The following KIR3DL3 variants were observed in gnomAD, a reference collection of about 807,000 sequenced individuals.
KIR3DL3 encodes killer cell immunoglobulin-like receptor 3DL3.
KIR3DL3 carries 27 observed loss-of-function variants against 34.9 expected under a neutral mutation model. That is an observed-to-expected ratio of 0.77 (90% CI 0.57 to 1.07). The LOEUF (loss-of-function observed/expected upper bound fraction) is 1.07, where lower values mean the gene tolerates loss of function less well. Among genes scored for constraint, KIR3DL3 ranks in the 50% least tolerant of loss-of-function variants. The pLI is 0.00. For missense variants in KIR3DL3, 681 were observed against 528.5 expected (o/e 1.29, Z -2.83); for synonymous variants, 217 against 200.2 (o/e 1.08, Z -0.71).
At chr19:54,733,414 C>T (rs2069053834) in intron 5 of KIR3DL3, among the ~76,000 whole-genome samples, 1 of 152,172 alleles carries the variant, frequency 6.6e-6, no homozygotes, top group Non-Finnish European at 1.5e-5. Flanking sequence ...TGCCTGTAAT[C>T]CCAGCGACTG....
intron 5 of KIR3DL3, among the ~76,000 whole-genome samples, chr19:54,732,258 C>CTT (rs139916853): frequency 0.016 from 2,340 of 147,114 alleles, 35 homozygotes; most frequent in Middle Eastern, 0.049. Flanking sequence ...TTTTTGTTTT[C>CTT]TTTTTTTTTT....
chr19:54,725,221 T>C, intron 1 of KIR3DL3, 26 bp from the exon 2 acceptor site: 4 of 1,576,242 alleles, frequency 2.5e-6, no homozygotes, highest in Non-Finnish European at 3.4e-6. Context: ...TACAGATGGA[T>C]CATCCATCAT....
chr19:54,732,245 T>G (rs2068886838), intron 5 of KIR3DL3, among the ~76,000 whole-genome samples: 1 of 111,038 alleles, frequency 9.0e-6, no homozygotes, highest in Non-Finnish European at 1.9e-5. Context: ...TGTGTGTGTG[T>G]GTTTTTTGTT....
At chr19:54,727,089 G>A in intron 3 of KIR3DL3, among the ~76,000 whole-genome samples, 1 of 138,368 alleles carries the variant, frequency 7.2e-6, no homozygotes, top group Non-Finnish European at 1.6e-5. Flanking sequence ...CACATAGGGA[G>A]GGGTTGATGC....
Position 54,727,639 on chromosome 19 carries a change from C to T in KIR3DL3, c.384C>T (p.Ala128=). The T allele has an allele frequency of 1.9e-6, 3 of 1,611,672 alleles. No homozygotes were observed. Among genetic ancestry groups the T allele is most frequent in the Non-Finnish European group, 2.5e-6 (3 of 1,179,356 alleles). ...TCCACAGAAAACCTTCCCTCCTGGC[C>T]CACCCAGGTCCCCTGGTGAAATCAG... is the stretch of plus-strand genomic sequence containing the variant. The part of the protein sequence containing the change: ...TGVHRKPSLL[A]HPGPLVKSGE... The change falls in exon 4 of 8, where the codon GCC becomes GCT. Residue 128 remains alanine, a synonymous_variant. Coordinates refer to ENST00000291860, the MANE Select transcript of KIR3DL3 (RefSeq NM_153443.5).
rs753735306 is a variant in KIR3DL3 at position 54,736,058 on chromosome 19, C to G, written c.1195C>G (p.Gln399Glu). 2.1e-4 allele frequency: 342 copies of G among 1,613,582 alleles called. No homozygotes were observed. The highest frequency in any genetic ancestry group is 1.9e-3 in the African/African-American group (140 of 74,668). Residue 399 changes from glutamine (Q) to glutamate (E), a missense_variant, in exon 8 of 8, where the codon CAG becomes GAG. By Grantham distance (29) the Gln-to-Glu change is conservative. Coordinates refer to ENST00000291860, the MANE Select transcript of KIR3DL3 (RefSeq NM_153443.5). ...FTQRKITRPS[Q>E]RPKTPPTDTS... ...ACAGAGAAAAATCACTCGCCCTTCT[C>G]AGAGGCCCAAGACACCCCCAACAGA...
intron 5 of KIR3DL3, among the ~76,000 whole-genome samples, chr19:54,730,828 C>T (rs1365183055): frequency 1.3e-5 from 2 of 152,154 alleles, no homozygotes; most frequent in Admixed American, 1.3e-4. Context: ...CATCCATTCA[C>T]CCACTGATGG....
intron 3 of KIR3DL3, 29 bp downstream of exon 3, chr19:54,726,366 C>T (rs1475276128): frequency 1.2e-6 from 2 of 1,602,574 alleles, no homozygotes; most frequent in East Asian, 2.2e-5. Context: ...GGGCTTCTCA[C>T]TGTCCCACCT....
At chr19:54,735,896 C>G in intron 7 of KIR3DL3, 24 bp downstream of exon 7, 2 of 1,606,244 alleles carry the variant, frequency 1.2e-6, no homozygotes, top group Non-Finnish European at 1.7e-6. Flanking sequence ...CGCCCAGCCT[C>G]GTGGCTAGTC....
chr19:54,729,274 A>C (rs2068534971), intron 4 of KIR3DL3, among the ~76,000 whole-genome samples: 1 of 152,058 alleles, frequency 6.6e-6, no homozygotes, highest in African/African-American at 2.4e-5. Flanking sequence ...TGGTACAAAA[A>C]AAGAAAACAT....
In KIR3DL3 at chr19:54,726,442, T is replaced by C. The variant is rs1156240805; in HGVS notation, c.355+105T>C. On this transcript the variant is annotated intron_variant, in intron 3 of 7. Transcript: ENST00000291860. Reference sequence around the variant, plus strand: ...CCAATCATCCAGGCCCCGACTGTATTTGGGGTAAAGGGGGATTCAGTACAG... The same window carrying C: ...CCAATCATCCAGGCCCCGACTGTATCTGGGGTAAAGGGGGATTCAGTACAG... 5 of 1,424,588 alleles carry C rather than the reference T, an allele frequency of 3.5e-6. No individual in the cohort carries two copies. In the African/African-American group the frequency reaches 4.4e-5, roughly 12 times the overall value. The allele number at this position is 1,424,588 out of a possible 1,614,324, so 88.2% of individuals were successfully genotyped here.
Position 54,727,706 on chromosome 19 carries a change from G to C in KIR3DL3, c.451G>C (p.Glu151Gln), listed in dbSNP as rs745934558. 1.2e-6 allele frequency: 2 copies of C among 1,613,002 alleles called. No homozygotes were observed. The highest frequency in any genetic ancestry group is 1.7e-6 in the Non-Finnish European group (2 of 1,179,784). Residue 151 changes from glutamate to glutamine, a missense_variant, in exon 4 of 8, where the codon GAG (glutamate) becomes CAG (glutamine). Coordinates refer to ENST00000291860, the MANE Select transcript of KIR3DL3 (RefSeq NM_153443.5). Reference protein sequence around the residue: ...ILQCWSDVRFERFLLHREGIT... With the variant: ...ILQCWSDVRFQRFLLHREGIT... ...GCAATGTTGGTCAGATGTCAGGTTTGAGCGCTTCCTTCTGCACAGAGAGGG... is the reference window on the plus strand; with the variant it reads ...GCAATGTTGGTCAGATGTCAGGTTTCAGCGCTTCCTTCTGCACAGAGAGGG...
At chr19:54,725,868 G>A (rs1251885323) in intron 2 of KIR3DL3, among the ~76,000 whole-genome samples, 185 bp from the exon 3 acceptor site, 1 of 152,116 alleles carries the variant, frequency 6.6e-6, no homozygotes, top group East Asian at 1.9e-4. Flanking sequence ...CCTGCTCAAA[G>A]TTCTCAGCTG....
chr19:54,733,819 A>G lies in KIR3DL3; in HGVS notation c.950-1434A>G, dbSNP rs112166802. On this transcript the variant is annotated intron_variant, in intron 5 of 7. Transcript: ENST00000291860. ...CCCCAATTCATCTCTACTTCCAATC[A>G]CCTATGGAGATACAGATAGATCATG... Among the ~76,000 whole-genome samples, 452 of 152,108 alleles carry G rather than the reference A, an allele frequency of 3.0e-3. 2 individuals carry two copies. Among genetic ancestry groups the G allele is most frequent in the African/African-American group, 0.01 (429 of 41,488 alleles).
chr19:54,729,239 C>A (rs1291479242), intron 4 of KIR3DL3, among the ~76,000 whole-genome samples: 2 of 150,788 alleles, frequency 1.3e-5, no homozygotes, highest in Non-Finnish European at 3.0e-5. Context: ...GTCAACCAGT[C>A]CAAGGAGGGT....
At chr19:54,733,617 T>C (rs2146856678) in intron 5 of KIR3DL3, among the ~76,000 whole-genome samples, 1 of 152,372 alleles carries the variant, frequency 6.6e-6, no homozygotes, top group African/African-American at 2.4e-5. Flanking sequence ...CTGTGTTTAA[T>C]TCTTTGACCC....
chr19:54,726,039 T>C lies in KIR3DL3; in HGVS notation c.71-14T>C. The C allele has an allele frequency of 6.3e-7, 1 of 1,590,090 alleles. No homozygotes were observed. Among genetic ancestry groups the C allele is most frequent in the South Asian group, 1.1e-5 (1 of 89,652 alleles). ...ACATCCTCCTCTCTAAGGTGGTGCCTCCTTCTCCCCCAGGTGGTCAGGACA... is the reference window on the plus strand; with the variant it reads ...ACATCCTCCTCTCTAAGGTGGTGCCCCCTTCTCCCCCAGGTGGTCAGGACA... On this transcript the variant is annotated splice_polypyrimidine_tract_variant and intron_variant, in intron 2 of 7. Coordinates refer to ENST00000291860, the MANE Select transcript of KIR3DL3 (RefSeq NM_153443.5).
At position 54,735,906 on chromosome 19, in the gene KIR3DL3, C is replaced by G. The variant is rs557747095; in HGVS notation, c.1107+34C>G. Reference sequence around the variant, plus strand: ...TCCTCCGCCCAGCCTCGTGGCTAGTCTTATTCCCAAAGAGTCCTGGAAAAT... The same window carrying G: ...TCCTCCGCCCAGCCTCGTGGCTAGTGTTATTCCCAAAGAGTCCTGGAAAAT... On this transcript the variant is annotated intron_variant, in intron 7 of 7. Coordinates refer to ENST00000291860, the MANE Select transcript of KIR3DL3 (RefSeq NM_153443.5). The G allele has an allele frequency of 9.6e-5, 154 of 1,605,820 alleles. 1 individual carries two copies. The highest frequency in any genetic ancestry group is 3.3e-4 in the Middle Eastern group (2 of 6,046).
chr19:54,729,144 C>A (rs2068517992), intron 4 of KIR3DL3, among the ~76,000 whole-genome samples: 1 of 145,626 alleles, frequency 6.9e-6, no homozygotes, highest in South Asian at 2.3e-4. Context: ...ATAGATCGAT[C>A]AATAGATAAT....
Sources: allele counts gnomAD v4.1 joint callset (sites outside exome capture counted in the v4.1 genomes callset), GRCh38; gene constraint gnomAD v4.1.1; transcripts MANE v1.5; gene names NCBI Gene and HGNC (gene_info 2026-07-23, HGNC 2026-07-21).